Variants in PELI2 observed in about 807,000 individuals in gnomAD.
PELI2 encodes E3 ubiquitin-protein ligase pellino homolog 2.
A neutral mutation model predicts 42.3 loss-of-function variants in PELI2; 23 were observed. That is an observed-to-expected ratio of 0.54 (90% CI 0.39 to 0.77). The LOEUF is 0.77. PELI2 is among the 30% of genes least tolerant of loss of function. PELI2 has a pLI of 0.00. For missense variants in PELI2, 463 were observed against 553.2 expected, an observed-to-expected ratio of 0.84 and a Z score of 1.64; for synonymous variants, 245 against 212.2, an observed-to-expected ratio of 1.15 and a Z score of -1.34.
rs564687880 is a variant in PELI2, at chr14:56,237,955, G to A, written c.208-41721G>A. On this transcript the variant is annotated intron_variant, in intron 2 of 5. Coordinates refer to ENST00000267460, the MANE Select transcript of PELI2 (RefSeq NM_021255.3). ...TTTAACTCAGATCTTATTCATCCTC[G>A]AATTATGGACAGTATGTCTTTAAAA... is the stretch of plus-strand genomic sequence containing the variant. Among the ~76,000 whole-genome samples, 18 of 151,568 alleles carry A rather than the reference G, an allele frequency of 1.2e-4. No homozygotes were observed. The East Asian group carries it at 2.0e-3, about 16-fold the overall frequency.
At chr14:56,143,759 T>G (rs558957217) in intron 1 of PELI2, among the ~76,000 whole-genome samples, 1 of 152,402 alleles carries the variant, frequency 6.6e-6, no homozygotes, top group East Asian at 1.9e-4. Context: ...TTGGCTCCTG[T>G]GTCCTTTTGA....
intron 1 of PELI2, among the ~76,000 whole-genome samples, chr14:56,172,059 TGTGGGAA>T (rs1885192304): frequency 6.6e-6 from 1 of 152,016 alleles, no homozygotes; most frequent in Non-Finnish European, 1.5e-5. Context: ...AGAGGATGAC[TGTGGGAA>T]GGGTTTGGGG....
At chr14:56,149,958 C>A (rs1479138819) in intron 1 of PELI2, among the ~76,000 whole-genome samples, 1 of 152,164 alleles carries the variant, frequency 6.6e-6, no homozygotes, top group Non-Finnish European at 1.5e-5. Context: ...CTCTAACTCT[C>A]TATGCTAGCT....
intron 1 of PELI2, among the ~76,000 whole-genome samples, chr14:56,151,979 C>G (rs368310422): frequency 7.2e-4 from 110 of 152,252 alleles, no homozygotes; most frequent in African/African-American, 2.6e-3. Context: ...ATTCAGGGAC[C>G]CAGCTTCCAT....
intron 2 of PELI2, among the ~76,000 whole-genome samples, chr14:56,204,120 C>T (rs1886433670): frequency 6.6e-6 from 1 of 152,040 alleles, no homozygotes; most frequent in African/African-American, 2.4e-5. Context: ...TCAACAGGGG[C>T]CGATTGATGG....
chr14:56,274,256 C>T (rs1280192020), intron 2 of PELI2, among the ~76,000 whole-genome samples: 1 of 152,158 alleles, frequency 6.6e-6, no homozygotes, highest in Non-Finnish European at 1.5e-5. Context: ...CCCATTTTCT[C>T]TCTCCATACA....
At chr14:56,249,926 T>C (rs1053169776) in intron 2 of PELI2, among the ~76,000 whole-genome samples, 2 of 152,162 alleles carry the variant, frequency 1.3e-5, no homozygotes, top group African/African-American at 4.8e-5. Context: ...TTTTGGGAGA[T>C]CTGTTTGACT....
At position 56,166,859 on chromosome 14, in the gene PELI2, C is replaced by T. The variant is rs147788156; in HGVS notation, c.78-11476C>T. Among the ~76,000 whole-genome samples the T allele has an allele frequency of 8.5e-3, 1,295 of 152,218 alleles. 19 individuals are homozygous for T. The highest frequency in any genetic ancestry group is 0.03 in the African/African-American group (1,237 of 41,532). ...ATGGAGTGCAGTGGCACGATCTCAG[C>T]GCACTGCAAGCTCCATCTCCTGGGT... On this transcript the variant is annotated intron_variant, in intron 1 of 5. Coordinates refer to ENST00000267460, the MANE Select transcript of PELI2 (RefSeq NM_021255.3).
chr14:56,173,591 C>A (rs1372583606), intron 1 of PELI2, among the ~76,000 whole-genome samples: 2 of 152,098 alleles, frequency 1.3e-5, no homozygotes, highest in East Asian at 3.9e-4. Context: ...CTAGAGGCCA[C>A]AAGTCTGAAA....
chr14:56,238,602 T>C (rs4318129), intron 2 of PELI2, among the ~76,000 whole-genome samples: 61,298 of 152,032 alleles, frequency 0.4, 13,074 homozygotes, highest in South Asian at 0.53. Context: ...TGACTTTTGA[T>C]GGAAGGGTTC....
At position 56,288,310 on chromosome 14, in the gene PELI2, A is replaced by G. The variant is rs940137613; in HGVS notation, c.310-127A>G. 2.9e-6 allele frequency: 2 copies of G among 700,868 alleles called. No individual in the cohort carries two copies. Among genetic ancestry groups the G allele is most frequent in the African/African-American group, 3.6e-5 (2 of 55,598 alleles). 43.4% of individuals were successfully genotyped at this position (700,868 alleles called of 1,614,324 possible). A position where few individuals can be genotyped will look rare whatever the true frequency, so the allele number is the denominator to read the frequency against. Reference sequence around the variant, plus strand: ...AAAGGAGCACGAATGAAAATCTTGCATTAAATTCTAACCCTCAGAACAAGG... The same window carrying G: ...AAAGGAGCACGAATGAAAATCTTGCGTTAAATTCTAACCCTCAGAACAAGG... On this transcript the variant is annotated intron_variant, in intron 3 of 5. Coordinates refer to ENST00000267460, the MANE Select transcript of PELI2 (RefSeq NM_021255.3). This position sits in a 1 kb window ranked among gnomAD's most constrained non-coding sequence, Gnocchi z 4.6.
Position 56,288,639 on chromosome 14 carries a change from G to A in PELI2, c.507+5G>A, listed in dbSNP as rs1380301457. The A allele has an allele frequency of 1.3e-6, 2 of 1,598,088 alleles. No homozygotes were observed. The highest frequency in any genetic ancestry group is 1.1e-5 in the South Asian group (1 of 89,936). ...TCCAAAAACATATTTCTTGGAGTAA[G>A]TACTGTCAAGAAGTACACGATTTCT... is the stretch of plus-strand genomic sequence containing the variant. On this transcript the variant is annotated splice_donor_5th_base_variant and intron_variant, in intron 4 of 5. Coordinates refer to ENST00000267460, the MANE Select transcript of PELI2 (RefSeq NM_021255.3). This position sits in a 1 kb window ranked among gnomAD's most constrained non-coding sequence, Gnocchi z 4.6.
At chr14:56,267,557 G>A (rs914389567) in intron 2 of PELI2, among the ~76,000 whole-genome samples, 2 of 152,166 alleles carry the variant, frequency 1.3e-5, no homozygotes, top group African/African-American at 4.8e-5. Context: ...ATTGTAATCT[G>A]CATGTTTCCA....
At chr14:56,277,654 A>G (rs1245427123) in intron 2 of PELI2, among the ~76,000 whole-genome samples, 4 of 151,906 alleles carry the variant, frequency 2.6e-5, no homozygotes, top group South Asian at 2.1e-4. Context: ...GGTGACCACT[A>G]CTCTAGAGCA....
At chr14:56,124,355 G>C (rs746722697) in intron 1 of PELI2, among the ~76,000 whole-genome samples, 1 of 152,194 alleles carries the variant, frequency 6.6e-6, no homozygotes, top group Non-Finnish European at 1.5e-5. Flanking sequence ...GCATTCTGAT[G>C]TGTTTTCTCA....
intron 1 of PELI2, among the ~76,000 whole-genome samples, chr14:56,175,142 C>G (rs572879294): frequency 6.6e-6 from 1 of 152,228 alleles, no homozygotes; most frequent in Admixed American, 6.5e-5. Flanking sequence ...ACTACAGGTG[C>G]ATGCCACCAC....
intron 2 of PELI2, among the ~76,000 whole-genome samples, chr14:56,261,091 C>T (rs1888700196): frequency 1.3e-5 from 2 of 151,938 alleles, no homozygotes; most frequent in South Asian, 2.1e-4. Flanking sequence ...CTACCCACCA[C>T]GAAGCTTCCC....
chr14:56,236,422 C>T (rs12895666), intron 2 of PELI2, among the ~76,000 whole-genome samples: 61,276 of 151,964 alleles, frequency 0.4, 13,068 homozygotes, highest in South Asian at 0.53. Flanking sequence ...GAATGAGATT[C>T]CAGCATATCC....
rs1046961331 is a variant in PELI2, at chr14:56,197,201, T to C, written c.207+18737T>C. ...AATCAAACAAATAAATATATAATAT[T>C]CATTGGTGCTCAGCACTGTCAAGGA... On this transcript the variant is annotated intron_variant, in intron 2 of 5. Coordinates refer to ENST00000267460, the MANE Select transcript of PELI2 (RefSeq NM_021255.3). The surrounding 1 kb of genome is among the most constrained non-coding windows in gnomAD (Gnocchi z 4.9). 2.0e-5 allele frequency among the ~76,000 whole-genome samples: 3 copies of C among 152,168 alleles called. No individual in the cohort carries two copies. Among genetic ancestry groups the C allele is most frequent in the Admixed American group, 6.5e-5 (1 of 15,268 alleles).
Sources: allele counts gnomAD v4.1 joint callset (sites outside exome capture counted in the v4.1 genomes callset), GRCh38; gene constraint gnomAD v4.1.1; non-coding constraint Gnocchi (gnomAD v3.1); transcripts MANE v1.5; gene names NCBI Gene and HGNC (gene_info 2026-07-23, HGNC 2026-07-21).